The following ST6GAL1 variants were observed in gnomAD, a reference collection of about 807,000 sequenced individuals.
ST6GAL1 encodes ST6 beta-galactoside alpha-2,6-sialyltransferase 1.
Under a neutral mutation model 38.0 loss-of-function variants are expected in ST6GAL1, and 20 were observed. The observed-to-expected ratio is 0.53, with a 90% CI of 0.37 to 0.77. The LOEUF (loss-of-function observed/expected upper bound fraction) is 0.77, where lower values mean the gene tolerates loss of function less well. Among genes scored for constraint, ST6GAL1 ranks in the 30% least tolerant of loss-of-function variants. ST6GAL1 has a pLI of 0.00. For synonymous variants in ST6GAL1, 196 were observed against 188.2 expected, an observed-to-expected ratio of 1.04 and a Z score of -0.34; for missense variants, 432 against 496.4, an observed-to-expected ratio of 0.87 and a Z score of 1.23.
intron 4 of ST6GAL1, among the ~76,000 whole-genome samples, chr3:187,050,534 AAGAGAGAG>A (rs147505225): frequency 0.15 from 13,029 of 87,780 alleles, 1,955 homozygotes; most frequent in African/African-American, 0.38. Flanking sequence ...CTTACAAAGA[AAGAGAGAG>A]AGAGAGAGAG....
At chr3:187,051,838 C>T (rs554877149) in intron 5 of ST6GAL1, among the ~76,000 whole-genome samples, 22 of 152,100 alleles carry the variant, frequency 1.4e-4, no homozygotes, top group African/African-American at 4.3e-4. Flanking sequence ...ATTAGGTTCC[C>T]GGAGTATTTT....
intron 2 of ST6GAL1, among the ~76,000 whole-genome samples, chr3:187,028,744 C>G (rs1305521252): frequency 3.9e-5 from 6 of 152,038 alleles, no homozygotes; most frequent in Admixed American, 3.3e-4. Flanking sequence ...GTTTTTTATT[C>G]CCATTTACTT....
chr3:186,980,630 C>T (rs1182943889), intron 2 of ST6GAL1, among the ~76,000 whole-genome samples: 2 of 144,906 alleles, frequency 1.4e-5, no homozygotes, highest in Non-Finnish European at 3.0e-5. Flanking sequence ...AAAAAATTAG[C>T]CAGGCAAGGT....
At chr3:186,943,356 G>A (rs888181221) in intron 1 of ST6GAL1, among the ~76,000 whole-genome samples, 1 of 152,246 alleles carries the variant, frequency 6.6e-6, no homozygotes, top group Admixed American at 6.5e-5. Context: ...CATGAGGCAT[G>A]AAGTGGCGGG....
At chr3:186,983,766 C>A (rs958073765) in intron 2 of ST6GAL1, among the ~76,000 whole-genome samples, 1 of 152,096 alleles carries the variant, frequency 6.6e-6, no homozygotes, top group Non-Finnish European at 1.5e-5. Context: ...AGTAGCCTGT[C>A]CAAGATCAGA....
At chr3:187,003,963 A>G (rs762794371) in intron 2 of ST6GAL1, among the ~76,000 whole-genome samples, 3 of 152,182 alleles carry the variant, frequency 2.0e-5, no homozygotes, top group African/African-American at 7.2e-5. Context: ...TGTCCCCACC[A>G]AATCTCATGT....
chr3:187,075,859 C>G lies in ST6GAL1; in HGVS notation c.*56C>G. 6.2e-7 allele frequency: 1 copy of G among 1,600,218 alleles called. No homozygotes were observed. Among genetic ancestry groups the G allele is most frequent in the Non-Finnish European group, 8.5e-7 (1 of 1,171,750 alleles). On this transcript the variant is annotated 3_prime_UTR_variant, in exon 8 of 8. Coordinates refer to ENST00000169298, the MANE Select transcript of ST6GAL1 (RefSeq NM_173216.2). This position sits in a 1 kb window ranked among gnomAD's most constrained non-coding sequence, Gnocchi z 4.1. ...ATTAAATGAATGGTCTCTTGGCCAC[C>G]CCAGCCTGGGAAGAACATTTTCCTG...
At chr3:187,074,359 TTGCA>T (rs1719490155) in intron 7 of ST6GAL1, 26 bp downstream of exon 7, 1 of 1,521,068 alleles carries the variant, frequency 6.6e-7, no homozygotes. Flanking sequence ...GGAAAAGACC[TTGCA>T]TGTTTGTTTC....
At chr3:187,031,924 G>A (rs1717766504) in intron 2 of ST6GAL1, among the ~76,000 whole-genome samples, 1 of 152,190 alleles carries the variant, frequency 6.6e-6, no homozygotes, top group South Asian at 2.1e-4. Flanking sequence ...TCCAAAGCTT[G>A]TATTGTTCAT....
chr3:186,966,838 G>A (rs1715146565), intron 2 of ST6GAL1, among the ~76,000 whole-genome samples: 2 of 152,136 alleles, frequency 1.3e-5, no homozygotes, highest in African/African-American at 2.4e-5. Context: ...ACTGTTTCCC[G>A]GGGAGCGCAC....
At chr3:187,054,845 A>C (rs1718637357) in intron 5 of ST6GAL1, among the ~76,000 whole-genome samples, 1 of 152,212 alleles carries the variant, frequency 6.6e-6, no homozygotes, top group Middle Eastern at 3.4e-3. Flanking sequence ...CTCTTTTTGT[A>C]TTGATTGGAA....
chr3:187,045,938 G>A (rs1429039184), intron 4 of ST6GAL1, among the ~76,000 whole-genome samples: 2 of 152,184 alleles, frequency 1.3e-5, no homozygotes, highest in African/African-American at 4.8e-5. Context: ...GAAGATGGGT[G>A]AGGAACGAGG....
chr3:186,965,064 G>A (rs977456578), intron 2 of ST6GAL1, among the ~76,000 whole-genome samples: 2 of 152,224 alleles, frequency 1.3e-5, no homozygotes, highest in Non-Finnish European at 2.9e-5. Flanking sequence ...GCAACCTTTG[G>A]TTTAGTGGTA....
chr3:187,070,560 G>A lies in ST6GAL1; in HGVS notation c.706-2289G>A, dbSNP rs940228738. Among the ~76,000 whole-genome samples the A allele has an allele frequency of 7.3e-5, 11 of 151,548 alleles. No individual in the cohort carries two copies. In the East Asian group the frequency reaches 2.0e-3, roughly 27 times the overall value. On this transcript the variant is annotated intron_variant, in intron 5 of 7. Transcript: ENST00000169298. ...CTGCCTCAGCCTCCCGAGTAGCTGG[G>A]ACTACAGGCACCCGCCACCATGCCC...
intron 2 of ST6GAL1, among the ~76,000 whole-genome samples, chr3:186,975,683 G>A (rs1211936863): frequency 1.3e-5 from 2 of 152,152 alleles, no homozygotes; most frequent in Admixed American, 6.5e-5. Flanking sequence ...AGGATCCAGC[G>A]AAAGAGATGG....
At chr3:187,074,092 T>A in intron 6 of ST6GAL1, 67 bp from the exon 7 acceptor site, 1 of 1,404,312 alleles carries the variant, frequency 7.1e-7, no homozygotes, top group Non-Finnish European at 9.6e-7. Flanking sequence ...CTGATGAAGA[T>A]GACTCCTGGG....
intron 2 of ST6GAL1, among the ~76,000 whole-genome samples, chr3:186,997,794 A>C (rs1420775318): frequency 1.3e-5 from 2 of 152,028 alleles, no homozygotes; most frequent in Non-Finnish European, 2.9e-5. Context: ...AGTGCTGACC[A>C]TATTGAGACA....
In ST6GAL1 at chr3:187,075,770, C is replaced by T. The variant is rs1344362814; in HGVS notation, c.1188C>T (p.Ala396=). The change falls in exon 8 of 8, where the codon GCC becomes GCT. Residue 396 remains alanine, a synonymous_variant. Coordinates refer to ENST00000169298, the MANE Select transcript of ST6GAL1 (RefSeq NM_173216.2). The surrounding 1 kb of genome is among the most constrained non-coding windows in gnomAD (Gnocchi z 4.1). The part of the protein sequence containing the change: ...TDEDIYLLGK[A]TLPGFRTIHC ...AGGACATCTACCTGCTTGGAAAAGC[C>T]ACACTGCCTGGCTTCCGGACCATTC... 5 of 1,614,120 alleles carry T rather than the reference C, an allele frequency of 3.1e-6. No homozygotes were observed. Among genetic ancestry groups the T allele is most frequent in the Non-Finnish European group, 4.2e-6 (5 of 1,180,036 alleles).
intron 1 of ST6GAL1, among the ~76,000 whole-genome samples, chr3:186,956,744 A>G (rs1257658403): frequency 6.6e-6 from 1 of 152,338 alleles, no homozygotes. Context: ...CTCCCGTAAG[A>G]TCCACCAGTT....
Sources: allele counts gnomAD v4.1 joint callset (sites outside exome capture counted in the v4.1 genomes callset), GRCh38; gene constraint gnomAD v4.1.1; non-coding constraint Gnocchi (gnomAD v3.1); transcripts MANE v1.5; gene names NCBI Gene and HGNC (gene_info 2026-07-23, HGNC 2026-07-21).